The following RPS2 variants were observed in gnomAD, a reference collection of about 807,000 sequenced individuals.
RPS2 encodes ribosomal protein S2, also known as small ribosomal subunit protein uS5.
Under a neutral mutation model 25.3 loss-of-function variants are expected in RPS2, and 8 were observed. The observed-to-expected ratio is 0.32, with a 90% CI of 0.19 to 0.57. The LOEUF is 0.57. RPS2 is among the 20% of genes least tolerant of loss of function. RPS2 has a pLI of 0.90. For missense variants in RPS2, 229 were observed against 408.1 expected, an observed-to-expected ratio of 0.56 and a Z score of 3.78; for synonymous variants, 181 against 161.3, an observed-to-expected ratio of 1.12 and a Z score of -0.92.
chr16:1,964,610 C>G lies in RPS2; in HGVS notation c.16G>C (p.Gly6Arg). MADDA[G>R]AAGGPGGPGG... ...GGGCCCCCGGGCCCCCCCGCTGCAC[C>G]GGCGTCATCCGCCATTTGCTGGGAA... is the stretch of plus-strand genomic sequence containing the variant. Residue 6 changes from glycine to arginine, a missense_variant, in exon 2 of 7, where the codon GGT becomes CGT. This residue lies in a region of RPS2 where 27 missense variants were observed against 26.4 expected (regional missense o/e 1.02). Coordinates refer to ENST00000343262, the MANE Select transcript of RPS2 (RefSeq NM_002952.4). 1 of 1,499,490 alleles carries G rather than the reference C, an allele frequency of 6.7e-7. No individual in the cohort carries two copies. Among genetic ancestry groups the G allele is most frequent in the South Asian group, 1.3e-5 (1 of 77,654 alleles). The allele number at this position is 1,499,490 out of a possible 1,614,324, so 92.9% of individuals were successfully genotyped here. A position where few individuals can be genotyped will look rare whatever the true frequency, so the allele number is the denominator to read the frequency against.
At position 1,964,301 on chromosome 16, in the gene RPS2, A is replaced by C. The variant is rs2083287140; in HGVS notation, c.242T>G (p.Ile81Ser). ...CTTAATAGGCAGGGAGAAGAGATAG[A>C]TCTCCTCCAGGGACTTGATCTTCAT... Reference protein sequence around the residue: ...KDMKIKSLEEIYLFSLPIKES... With the variant: ...KDMKIKSLEESYLFSLPIKES... The change falls in exon 3 of 7, where the codon ATC becomes AGC. Residue 81 changes from isoleucine to serine, a missense_variant. Physicochemically the swap from Ile to Ser is moderately radical, Grantham distance 142. Around this residue, in one of 7 missense-constraint regions of RPS2, gnomAD observed 70 missense variants for 119.0 expected, o/e 0.59. Transcript: ENST00000343262. The C allele has an allele frequency of 6.2e-7, 1 of 1,613,002 alleles. No individual in the cohort carries two copies. The highest frequency in any genetic ancestry group is 8.5e-7 in the Non-Finnish European group (1 of 1,179,400).
chr16:1,962,897 T>C lies in RPS2; in HGVS notation c.388A>G (p.Ile130Val). 6.2e-7 allele frequency: 1 copy of C among 1,600,556 alleles called. No individual in the cohort carries two copies. Among genetic ancestry groups the C allele is most frequent in the Non-Finnish European group, 8.5e-7 (1 of 1,179,000 alleles). ...CCGACGTGGCCATTGTAGTCCCCGA[T>C]AGCAACAAATGCCTGCGAAAAGATG... ...QRTRFKAFVA[I>V]GDYNGHVGLG... Residue 130 changes from isoleucine (I) to valine (V), a missense_variant, in exon 5 of 7, where the codon ATC (isoleucine) becomes GTC (valine). Around this residue, in one of 7 missense-constraint regions of RPS2, gnomAD observed 15 missense variants for 18.4 expected, o/e 0.81. Transcript: ENST00000343262.
chr16:1,964,660 TGTGG>T (rs779069504), intron 1 of RPS2, 32 bp from the exon 2 acceptor site: 154 of 1,174,716 alleles, frequency 1.3e-4, no homozygotes, highest in Non-Finnish European at 1.8e-4. Flanking sequence ...AACTAGTCAG[TGTGG>T]CCTACGCATC....
Position 1,964,791 on chromosome 16 carries a change from G to C in RPS2, c.-4+16C>G, listed in dbSNP as rs543613560. The C allele has an allele frequency of 1.5e-4, 80 of 547,184 alleles. 2 individuals are homozygous for C. In the South Asian group the frequency reaches 1.6e-3, roughly 11 times the overall value. 33.9% of individuals were successfully genotyped at this position (547,184 alleles called of 1,614,324 possible). On this transcript the variant is annotated intron_variant, in intron 1 of 6. Transcript: ENST00000343262. ...CGCCCACGCAGAGGCCCGCTGCAGC[G>C]ACCAACAGGACTCACGTGTTTTGTC...
chr16:1,963,919 G>A (rs538959264), intron 3 of RPS2: 138 of 394,870 alleles, frequency 3.5e-4, no homozygotes, highest in African/African-American at 2.6e-3. Flanking sequence ...CAGCTGTCCC[G>A]TACACGCGGA....
At chr16:1,963,726 C>T (rs1052214236) in intron 3 of RPS2, 3 of 443,788 alleles carry the variant, frequency 6.8e-6, no homozygotes, top group African/African-American at 2.0e-5. Context: ...ATTTCTGCAT[C>T]TCAATCGTTT....
In RPS2 at chr16:1,962,081, T is replaced by G. The variant is rs928829589; in HGVS notation, c.*17A>C. On this transcript the variant is annotated 3_prime_UTR_variant, in exon 7 of 7. Coordinates refer to ENST00000343262, the MANE Select transcript of RPS2 (RefSeq NM_002952.4). Reference sequence around the variant, plus strand: ...AGTAACACGCTTAATTCACTTTATTTTTCTTGTATAAAAACCCTATGTTGT... The same window carrying G: ...AGTAACACGCTTAATTCACTTTATTGTTCTTGTATAAAAACCCTATGTTGT... The G allele has an allele frequency of 6.5e-7, 1 of 1,534,668 alleles. No homozygotes were observed. Among genetic ancestry groups the G allele is most frequent in the African/African-American group, 1.4e-5 (1 of 71,986 alleles).
intron 5 of RPS2, 37 bp downstream of exon 5, chr16:1,962,699 T>C (rs751638150): frequency 4.4e-6 from 7 of 1,588,570 alleles, no homozygotes; most frequent in Non-Finnish European, 6.0e-6. Flanking sequence ...CGAGGGAGCC[T>C]GCCCCACGGC....
rs114006682 is a variant in RPS2 at position 1,964,796 on chromosome 16, A to G, written c.-4+11T>C. On this transcript the variant is annotated intron_variant, in intron 1 of 6. Transcript: ENST00000343262. ...ACGCAGAGGCCCGCTGCAGCGACCA[A>G]CAGGACTCACGTGTTTTGTCGGAAA... The G allele has an allele frequency of 7.5e-3, 4,100 of 545,724 alleles. 154 individuals are homozygous for G. Among genetic ancestry groups the G allele is most frequent in the African/African-American group, 0.075 (3,690 of 49,446 alleles). 33.8% of individuals were successfully genotyped at this position (545,724 alleles called of 1,614,324 possible). A position where few individuals can be genotyped will look rare whatever the true frequency, so the allele number is the denominator to read the frequency against.
rs749792856 is a variant in RPS2 at position 1,964,513 on chromosome 16, C to T, written c.113G>A (p.Arg38His). 2.5e-6 allele frequency: 4 copies of T among 1,596,674 alleles called. No homozygotes were observed. Among genetic ancestry groups the T allele is most frequent in the Non-Finnish European group, 3.4e-6 (4 of 1,171,888 alleles). The change falls in exon 2 of 7, where the codon CGC becomes CAC. Residue 38 changes from arginine (R) to histidine (H), a missense_variant. This residue lies in a region of RPS2 where 70 missense variants were observed against 119.0 expected (regional missense o/e 0.59). Transcript: ENST00000343262. ...TCGGCCCCGGCCCCGTCCACGGCCG[C>T]GACCCCGGCCCCGGATGCCACTGCC... ...GFGSGIRGRG[R>H]GRGRGRGRGR...
intron 4 of RPS2, 102 bp from the exon 5 acceptor site, chr16:1,963,011 G>A (rs375014963): frequency 2.4e-5 from 35 of 1,431,156 alleles, no homozygotes; most frequent in Non-Finnish European, 3.4e-5. Flanking sequence ...GCCACAGTAA[G>A]GCCCATCCGA....
intron 1 of RPS2, 30 bp from the exon 2 acceptor site, chr16:1,964,658 A>G: frequency 8.4e-7 from 1 of 1,193,752 alleles, no homozygotes; most frequent in Non-Finnish European, 1.2e-6. Context: ...GGAACTAGTC[A>G]GTGTGGCCTA....
chr16:1,964,008 GCTGCTTCTCTTTCAGTTCTTTC>G (rs907613770), intron 3 of RPS2: 2 of 493,980 alleles, frequency 4.0e-6, no homozygotes, highest in African/African-American at 3.9e-5. Context: ...TGAACCAAGC[GCTGCTTCTCTTTCAGTTCTTTC>G]GAAATGAATT....
At position 1,962,316 on chromosome 16, in the gene RPS2, C is replaced by G. The variant is rs1413792120; in HGVS notation, c.710-46G>C. ...AGGAGGGTCAGTGGTGTGCTTGAGGCAAGTCCCCCAACCCAAAAATTGTCG... is the reference window on the plus strand; with the variant it reads ...AGGAGGGTCAGTGGTGTGCTTGAGGGAAGTCCCCCAACCCAAAAATTGTCG... On this transcript the variant is annotated intron_variant, in intron 6 of 6. Coordinates refer to ENST00000343262, the MANE Select transcript of RPS2 (RefSeq NM_002952.4). The G allele has an allele frequency of 5.7e-6, 9 of 1,566,814 alleles. No individual in the cohort carries two copies. The East Asian group carries it at 2.0e-4, about 35-fold the overall frequency.
rs759094044 is a variant in RPS2, at chr16:1,963,211, C to T, written c.313G>A (p.Glu105Lys). 1.9e-6 allele frequency: 3 copies of T among 1,562,632 alleles called. No homozygotes were observed. The highest frequency in any genetic ancestry group is 2.7e-5 in the African/African-American group (2 of 73,812). The change falls in exon 4 of 7, where the codon GAG becomes AAG. Residue 105 changes from glutamate to lysine, a missense_variant. By Grantham distance (56) the Glu-to-Lys change is moderately conservative. Coordinates refer to ENST00000343262, the MANE Select transcript of RPS2 (RefSeq NM_002952.4). ...TGCACTGGCATAATCTTCAAAACCT[C>T]ATCCTTGAGAGAGGCCCCCAGGAAG... ...DFFLGASLKDEVLKIMPVQKQ... is the reference protein window; with the variant it reads ...DFFLGASLKDKVLKIMPVQKQ...
chr16:1,963,768 G>A (rs2083280806), intron 3 of RPS2: 2 of 456,600 alleles, frequency 4.4e-6, no homozygotes, highest in African/African-American at 2.0e-5. Flanking sequence ...CTTGTTTGGT[G>A]AGATGTGGCT....
Position 1,963,209 on chromosome 16 carries a change from C to T in RPS2, c.315G>A (p.Glu105=), listed in dbSNP as rs1297107737. Residue 105 remains glutamate, a synonymous_variant, in exon 4 of 7, where the codon GAG becomes GAA. Transcript: ENST00000343262. ...TCTGCACTGGCATAATCTTCAAAAC[C>T]TCATCCTTGAGAGAGGCCCCCAGGA... ...DFFLGASLKD[E]VLKIMPVQKQ... 2 of 1,566,186 alleles carry T rather than the reference C, an allele frequency of 1.3e-6. No individual in the cohort carries two copies. The highest frequency in any genetic ancestry group is 2.3e-5 in the East Asian group (1 of 42,804).
Position 1,962,470 on chromosome 16 carries a change from G to A in RPS2, c.709+27C>T, listed in dbSNP as rs760706510. 11 of 1,604,824 alleles carry A rather than the reference G, an allele frequency of 6.9e-6. No homozygotes were observed. In the African/African-American group the frequency reaches 1.1e-4, roughly 16 times the overall value. ...GGTTAAGCGGAGCTGAGAGACCATGGCTATGCCCCATGTGTGGACCACCTA... is the reference window on the plus strand; with the variant it reads ...GGTTAAGCGGAGCTGAGAGACCATGACTATGCCCCATGTGTGGACCACCTA... On this transcript the variant is annotated intron_variant, in intron 6 of 6. Coordinates refer to ENST00000343262, the MANE Select transcript of RPS2 (RefSeq NM_002952.4).
Position 1,962,069 on chromosome 16 carries a change from A to C in RPS2, c.*29T>G. The stretch of plus-strand genomic sequence containing the variant: ...CGGGAAAAAAACAGTAACACGCTTA[A>C]TTCACTTTATTTTTCTTGTATAAAA... On this transcript the variant is annotated 3_prime_UTR_variant, in exon 7 of 7. Transcript: ENST00000343262. 6.6e-7 allele frequency: 1 copy of C among 1,524,656 alleles called. No homozygotes were observed. The highest frequency in any genetic ancestry group is 8.8e-7 in the Non-Finnish European group (1 of 1,136,916). The allele number at this position is 1,524,656 out of a possible 1,614,324, so 94.4% of individuals were successfully genotyped here. A position where few individuals can be genotyped will look rare whatever the true frequency, so the allele number is the denominator to read the frequency against.
Sources: gnomAD v4.1 joint callset for allele counts on GRCh38, gnomAD v4.1.1 for gene constraint, gnomAD v4.1.1 regional missense constraint, MANE v1.5 for transcripts, NCBI Gene and HGNC (gene_info 2026-07-23, HGNC 2026-07-21) for gene names.